The following ELFN2 variants were observed in gnomAD, a reference collection of about 807,000 sequenced individuals.
The protein encoded by ELFN2 is extracellular leucine rich repeat and fibronectin type III domain containing 2.
Under a neutral mutation model 45.5 loss-of-function variants are expected in ELFN2, and 17 were observed. That is an observed-to-expected ratio of 0.37 (90% CI 0.26 to 0.56). The LOEUF is 0.56. Among genes scored for constraint, ELFN2 ranks in the 20% least tolerant of loss-of-function variants. The probability of loss-of-function intolerance (pLI) is 0.77; values close to 1 mark genes in which losing one functional copy is unlikely to be tolerated. For synonymous variants in ELFN2, 550 were observed against 551.5 expected (o/e 1.00, Z 0.04); for missense variants, 922 against 1,183.2 (o/e 0.78, Z 3.24).
At position 37,374,319 on chromosome 22, in the gene ELFN2, A is replaced by C. The variant is rs768664794; in HGVS notation, c.1216T>G (p.Phe406Val). Residue 406 changes from phenylalanine to valine, a missense_variant, in exon 3 of 3, where the codon TTT (phenylalanine) becomes GTT (valine). Phe to Val is a conservative substitution (Grantham distance 50). Around this residue, in one of 2 missense-constraint regions of ELFN2, gnomAD observed 564 missense variants for 642.8 expected, o/e 0.88. Coordinates refer to ENST00000402918, the MANE Select transcript of ELFN2 (RefSeq NM_052906.5). ...HYIMTILGCL[F>V]GMVIVLGAVY... ...GCTCCCAGCACGATAACCATGCCAA[A>C]GAGGCAGCCCAGGATGGTCATGATG... 4 of 1,613,802 alleles carry C rather than the reference A, an allele frequency of 2.5e-6. No individual in the cohort carries two copies. In the East Asian group the frequency reaches 8.9e-5, roughly 36 times the overall value.
At position 37,414,713 on chromosome 22, in the gene ELFN2, T is replaced by C. The variant is rs145278258; in HGVS notation, c.-463+3056A>G. Among the ~76,000 whole-genome samples, 59 of 152,298 alleles carry C rather than the reference T, an allele frequency of 3.9e-4. 1 individual carries two copies. The East Asian group carries it at 0.01, about 26-fold the overall frequency. ...AAATGACAGCATCGGGACATGAACC[T>C]AAGTCTAGTGGTCTCAAACCCCACA... On this transcript the variant is annotated intron_variant, in intron 2 of 2. Transcript: ENST00000402918.
At chr22:37,413,395 C>T (rs937237832) in intron 2 of ELFN2, among the ~76,000 whole-genome samples, 1 of 144,304 alleles carries the variant, frequency 6.9e-6, no homozygotes, top group African/African-American at 2.8e-5. Flanking sequence ...GGTGAGATCC[C>T]GTCTCTACAA....
chr22:37,418,017 G>A (rs1932779615), intron 1 of ELFN2, 98 bp from the exon 2 acceptor site: 1 of 152,416 alleles, frequency 6.6e-6, no homozygotes, highest in Non-Finnish European at 1.5e-5. Context: ...AAATGCTGAA[G>A]TCTTGAAGGG....
chr22:37,407,820 G>A (rs57067011), intron 2 of ELFN2, among the ~76,000 whole-genome samples: 2,193 of 152,030 alleles, frequency 0.014, 56 homozygotes, highest in African/African-American at 0.048. Context: ...GCATGAATCC[G>A]GGAGGCGGAG....
rs147371560 is a variant in ELFN2 at position 37,402,127 on chromosome 22, G to A, written c.-463+15642C>T. Among the ~76,000 whole-genome samples, 894 of 152,352 alleles carry A rather than the reference G, an allele frequency of 5.9e-3. 7 individuals are homozygous for A. The highest frequency in any genetic ancestry group is 0.019 in the African/African-American group (800 of 41,578). ...GTAGCTGCACCCTGCCTGCTTTGGG[G>A]TTCCTGGGAGGATCAGAGGAGATAA... On this transcript the variant is annotated intron_variant, in intron 2 of 2. Transcript: ENST00000402918.
intron 2 of ELFN2, among the ~76,000 whole-genome samples, chr22:37,401,383 G>A (rs1932357419): frequency 6.6e-6 from 1 of 152,116 alleles, no homozygotes; most frequent in Non-Finnish European, 1.5e-5. Context: ...ACAGCTCTTA[G>A]GCAGCAAAGC....
chr22:37,376,201 C>G (rs1056435550), intron 2 of ELFN2, among the ~76,000 whole-genome samples: 1 of 151,906 alleles, frequency 6.6e-6, no homozygotes, highest in Non-Finnish European at 1.5e-5. Context: ...GGGGCTGGGA[C>G]GGAGGGAGAC....
At chr22:37,364,183 G>GTAAA (rs1192891655), downstream of ELFN2, among the ~76,000 whole-genome samples, 1 of 152,138 alleles carries the variant, frequency 6.6e-6, no homozygotes, top group African/African-American at 2.4e-5. Flanking sequence ...GGACTAGACA[G>GTAAA]TAAAGGCTTT....
intron 1 of ELFN2, among the ~76,000 whole-genome samples, chr22:37,349,885 A>G (rs929977527): frequency 1.3e-5 from 2 of 151,190 alleles, no homozygotes; most frequent in East Asian, 3.8e-4. Context: ...CTGGGCACAG[A>G]AGGCCCAAAA....
downstream of ELFN2, among the ~76,000 whole-genome samples, chr22:37,363,525 G>A (rs1931135412): frequency 6.6e-6 from 1 of 152,094 alleles, no homozygotes; most frequent in African/African-American, 2.4e-5. Flanking sequence ...GGTGAGGGCA[G>A]TTTTAGAGGA....
At position 37,373,046 on chromosome 22, in the gene ELFN2, G is replaced by A. The variant is rs373874492; in HGVS notation, c.*26C>T. 31 of 1,563,816 alleles carry A rather than the reference G, an allele frequency of 2.0e-5. No homozygotes were observed. Among genetic ancestry groups the A allele is most frequent in the African/African-American group, 1.6e-4 (12 of 74,080 alleles). On this transcript the variant is annotated 3_prime_UTR_variant, in exon 3 of 3. Coordinates refer to ENST00000402918, the MANE Select transcript of ELFN2 (RefSeq NM_052906.5). ...AAAAGGCCCCCAGCCCTCTGGCTCC[G>A]ACCTCACCAGGGAGGAAGGGGGGGG...
intron 2 of ELFN2, among the ~76,000 whole-genome samples, chr22:37,406,081 G>A (rs1451485242): frequency 6.6e-6 from 1 of 152,152 alleles, no homozygotes; most frequent in Admixed American, 6.5e-5. Flanking sequence ...GGTTGAGGCT[G>A]CAATGAGCCA....
At position 37,374,659 on chromosome 22, in the gene ELFN2, A is replaced by C. The variant is rs149419442; in HGVS notation, c.876T>G (p.Asp292Glu). 404 of 1,612,638 alleles carry C rather than the reference A, an allele frequency of 2.5e-4. No homozygotes were observed. The highest frequency in any genetic ancestry group is 3.2e-4 in the Non-Finnish European group (381 of 1,178,894). Residue 292 changes from aspartate (D) to glutamate (E), a missense_variant, in exon 3 of 3, where the codon GAT (aspartate) becomes GAG (glutamate). Physicochemically the swap from Asp to Glu is conservative, Grantham distance 45. Around this residue, in one of 2 missense-constraint regions of ELFN2, gnomAD observed 358 missense variants for 540.4 expected, o/e 0.66. Coordinates refer to ENST00000402918, the MANE Select transcript of ELFN2 (RefSeq NM_052906.5). Reference sequence around the variant, plus strand: ...GCTTGATGGCTGGCCCTGCCGACGCATCCGTGGTGGACGAGGCCGGCGGCT... The same window carrying C: ...GCTTGATGGCTGGCCCTGCCGACGCCTCCGTGGTGGACGAGGCCGGCGGCT... ...SVEPPASSTT[D>E]ASAGPAIKLH...
intron 2 of ELFN2, among the ~76,000 whole-genome samples, chr22:37,414,849 G>A (rs542781542): frequency 6.6e-6 from 1 of 152,302 alleles, no homozygotes; most frequent in East Asian, 1.9e-4. Flanking sequence ...ACCAAGGTCT[G>A]AGCCTGCCCT....
Position 37,374,595 on chromosome 22 carries a change from T to C in ELFN2, c.940A>G (p.Ile314Val), listed in dbSNP as rs1262576965. The change falls in exon 3 of 3, where the codon ATC (isoleucine) becomes GTC (valine). Residue 314 changes from isoleucine to valine, a missense_variant. Ile to Val is a conservative substitution (Grantham distance 29, BLOSUM62 3). Coordinates refer to ENST00000402918, the MANE Select transcript of ELFN2 (RefSeq NM_052906.5). ...VTFTSATLVV[I>V]IPHPYSKMYI... ...ATCTTGCTGTAGGGGTGTGGGATGA[T>C]GACCACCAGGGTGGCCGAGGTGAAC... 1 of 1,614,212 alleles carries C rather than the reference T, an allele frequency of 6.2e-7. No homozygotes were observed. The highest frequency in any genetic ancestry group is 8.5e-7 in the Non-Finnish European group (1 of 1,180,034).
At position 37,369,446 on chromosome 22, in the gene ELFN2, T is replaced by A. The variant is rs892523896; in HGVS notation, c.*3626A>T. On this transcript the variant is annotated 3_prime_UTR_variant, in exon 3 of 3. Transcript: ENST00000402918. ...ACACAGGCTGCTCCCACAGGCCTCC[T>A]GCACTGCCTCAGGAGGGGAGCCCAG... The A allele has an allele frequency of 6.6e-6, 1 of 152,216 alleles. No individual in the cohort carries two copies. Among genetic ancestry groups the A allele is most frequent in the Non-Finnish European group, 1.5e-5 (1 of 68,070 alleles). 9.4% of individuals were successfully genotyped at this position (152,216 alleles called of 1,614,324 possible).
In ELFN2 at chr22:37,371,767, G is replaced by A. The variant is rs1320965646; in HGVS notation, c.*1305C>T. 2.0e-5 allele frequency: 3 copies of A among 152,514 alleles called. No homozygotes were observed. Among genetic ancestry groups the A allele is most frequent in the African/African-American group, 7.2e-5 (3 of 41,408 alleles). The allele number at this position is 152,514 out of a possible 1,614,324, so 9.4% of individuals were successfully genotyped here. A position where few individuals can be genotyped will look rare whatever the true frequency, so the allele number is the denominator to read the frequency against. On this transcript the variant is annotated 3_prime_UTR_variant, in exon 3 of 3. Transcript: ENST00000402918. The surrounding 1 kb of genome is among the most constrained non-coding windows in gnomAD (Gnocchi z 6.4). The stretch of plus-strand genomic sequence containing the variant: ...CCAGCCTGCTCCTCAACCCTCTCTC[G>A]GGTGGGGGCCTCACTGTTTGTGCTT...
At chr22:37,394,973 C>T (rs982093872) in intron 2 of ELFN2, among the ~76,000 whole-genome samples, 1 of 152,026 alleles carries the variant, frequency 6.6e-6, no homozygotes, top group East Asian at 1.9e-4. Flanking sequence ...AAAGGGGGCA[C>T]ACGCCTGTAG....
At chr22:37,391,464 A>G (rs1460422409) in intron 2 of ELFN2, among the ~76,000 whole-genome samples, 1 of 151,976 alleles carries the variant, frequency 6.6e-6, no homozygotes, top group Non-Finnish European at 1.5e-5. Flanking sequence ...CCGCGCCGGC[A>G]CCCGCTGTGT....
Sources: gnomAD v4.1 joint callset for allele counts (sites outside exome capture counted in the v4.1 genomes callset) on GRCh38, gnomAD v4.1.1 for gene constraint, gnomAD v4.1.1 regional missense constraint, Gnocchi (gnomAD v3.1) non-coding constraint, MANE v1.5 for transcripts, NCBI Gene and HGNC (gene_info 2026-07-23, HGNC 2026-07-21) for gene names.